KLK11: variants seen among roughly 807,000 people sequenced by gnomAD.
KLK11 encodes kallikrein-11.
KLK11 carries 10 observed loss-of-function variants against 23.4 expected under a neutral mutation model. The observed-to-expected ratio is 0.43, with a 90% CI of 0.26 to 0.73. The LOEUF is 0.73. Among genes scored for constraint, KLK11 ranks in the 30% least tolerant of loss-of-function variants. KLK11 has a pLI of 0.22. For synonymous variants in KLK11, 131 were observed against 131.7 expected (o/e 0.99, Z 0.03); for missense variants, 285 against 327.8 (o/e 0.87, Z 1.01).
In KLK11 at chr19:51,025,957, C is replaced by T. The variant is rs1168050430; in HGVS notation, c.-35-291G>A. 1.4e-5 allele frequency: 4 copies of T among 284,348 alleles called. No homozygotes were observed. Among genetic ancestry groups the T allele is most frequent in the East Asian group, 1.2e-4 (2 of 16,224 alleles). The allele number at this position is 284,348 out of a possible 1,614,324, so 17.6% of individuals were successfully genotyped here. A position where few individuals can be genotyped will look rare whatever the true frequency, so the allele number is the denominator to read the frequency against. On this transcript the variant is annotated intron_variant, in intron 1 of 5. Coordinates refer to ENST00000453757, the MANE Select transcript of KLK11 (RefSeq NM_001136032.3). The surrounding 1 kb of genome is among the most constrained non-coding windows in gnomAD (Gnocchi z 6.2). ...GGCTTTGAGCTGTCAAGCCATGGTTCGGCCCTGTTCAAGTCAGCCATGGGA... is the reference window on the plus strand; with the variant it reads ...GGCTTTGAGCTGTCAAGCCATGGTTTGGCCCTGTTCAAGTCAGCCATGGGA...
chr19:51,026,811 A>C (rs1235726789), upstream of KLK11: 1 of 154,966 alleles, frequency 6.5e-6, no homozygotes, highest in Non-Finnish European at 1.4e-5. Flanking sequence ...CCTGTGTCTC[A>C]GCCTCCCTCT....
Position 51,024,015 on chromosome 19 carries a change from C to A in KLK11, c.463+30G>T. 6.7e-7 allele frequency: 1 copy of A among 1,484,928 alleles called. No homozygotes were observed. Among genetic ancestry groups the A allele is most frequent in the East Asian group, 2.4e-5 (1 of 42,278 alleles). The allele number at this position is 1,484,928 out of a possible 1,614,324, so 92.0% of individuals were successfully genotyped here. On this transcript the variant is annotated intron_variant, in intron 4 of 5. Transcript: ENST00000453757. This position sits in a 1 kb window ranked among gnomAD's most constrained non-coding sequence, Gnocchi z 6.2. ...TCCTGACCACTCCCTCCTCACCACC[C>A]CCTGCCAGGTTCCCCTCTGGTGCTC...
chr19:51,022,832 G>A (rs2691208), intron 5 of KLK11, 135 bp from the exon 6 acceptor site: 171,460 of 1,047,768 alleles, frequency 0.16, 14,760 homozygotes, highest in African/African-American at 0.27. Context: ...TAGGTTTAGC[G>A]ATAAAGCTGG....
At chr19:51,026,416 C>G (rs1286126067) in intron 1 of KLK11, 122 bp downstream of exon 1, 2 of 259,318 alleles carry the variant, frequency 7.7e-6, no homozygotes, top group Admixed American at 1.3e-4. Flanking sequence ...GGCCAGGAAC[C>G]CCCACCCAAG....
At position 51,024,366 on chromosome 19, in the gene KLK11, G is replaced by C; in HGVS notation, c.198-56C>G. 6.3e-7 allele frequency: 1 copy of C among 1,590,364 alleles called. No homozygotes were observed. The highest frequency in any genetic ancestry group is 8.5e-7 in the Non-Finnish European group (1 of 1,169,816). ...GAAAGGTCGGGGGAGACATGGGTGG[G>C]AGAGGTGAGTGACACCTTTGAGGAT... On this transcript the variant is annotated intron_variant, in intron 3 of 5. Coordinates refer to ENST00000453757, the MANE Select transcript of KLK11 (RefSeq NM_001136032.3). This position sits in a 1 kb window ranked among gnomAD's most constrained non-coding sequence, Gnocchi z 6.2.
Position 51,025,662 on chromosome 19 carries a change from T to C in KLK11, c.-31A>G. 1 of 1,564,472 alleles carries C rather than the reference T, an allele frequency of 6.4e-7. No homozygotes were observed. The highest frequency in any genetic ancestry group is 8.7e-7 in the Non-Finnish European group (1 of 1,153,630). ...GGAGGGGGGAGGAGCGGGCCCCAGG[T>C]TCCTCTGGGAACAAGGAGGGACATG... On this transcript the variant is annotated 5_prime_UTR_variant, in exon 2 of 6. Coordinates refer to ENST00000453757, the MANE Select transcript of KLK11 (RefSeq NM_001136032.3). This position sits in a 1 kb window ranked among gnomAD's most constrained non-coding sequence, Gnocchi z 6.2.
At chr19:51,023,332 G>A (rs1437794758) in intron 4 of KLK11, 104 bp from the exon 5 acceptor site, 24 of 1,403,122 alleles carry the variant, frequency 1.7e-5, no homozygotes, top group Admixed American at 1.3e-4. Flanking sequence ...GTCCTTAGAC[G>A]CAGCCAACTC....
At chr19:51,026,080 G>A (rs185262278) in intron 1 of KLK11, among the ~76,000 whole-genome samples, 13 of 152,268 alleles carry the variant, frequency 8.5e-5, no homozygotes, top group East Asian at 3.9e-4. Context: ...ACCAGACACC[G>A]TTCCGTAGCC....
chr19:51,024,903 C>T lies in KLK11; in HGVS notation c.41-109G>A. The T allele has an allele frequency of 4.5e-6, 5 of 1,101,146 alleles. No homozygotes were observed. Among genetic ancestry groups the T allele is most frequent in the East Asian group, 3.0e-5 (1 of 33,422 alleles). The allele number at this position is 1,101,146 out of a possible 1,614,324, so 68.2% of individuals were successfully genotyped here. A position where few individuals can be genotyped will look rare whatever the true frequency, so the allele number is the denominator to read the frequency against. ...AGAGAAAGAGAGTGGGTGGTCTGGGCCCTGGTCTGGTGTCCCTCTGGGTTG... is the reference window on the plus strand; with the variant it reads ...AGAGAAAGAGAGTGGGTGGTCTGGGTCCTGGTCTGGTGTCCCTCTGGGTTG... On this transcript the variant is annotated intron_variant, in intron 2 of 5. Coordinates refer to ENST00000453757, the MANE Select transcript of KLK11 (RefSeq NM_001136032.3). This position sits in a 1 kb window ranked among gnomAD's most constrained non-coding sequence, Gnocchi z 6.2.
rs182794995 is a variant in KLK11, at chr19:51,025,188, A to T, written c.41-394T>A. Among the ~76,000 whole-genome samples, 4 of 152,076 alleles carry T rather than the reference A, an allele frequency of 2.6e-5. No homozygotes were observed. The highest frequency in any genetic ancestry group is 9.6e-5 in the African/African-American group (4 of 41,482). On this transcript the variant is annotated intron_variant, in intron 2 of 5. Coordinates refer to ENST00000453757, the MANE Select transcript of KLK11 (RefSeq NM_001136032.3). The surrounding 1 kb of genome is among the most constrained non-coding windows in gnomAD (Gnocchi z 6.2). Reference sequence around the variant, plus strand: ...AGCTGAGATGGCTTAAGGATCACTTAAGCCCGGGAAGTCAAGACTGCAGTG... The same window carrying T: ...AGCTGAGATGGCTTAAGGATCACTTTAGCCCGGGAAGTCAAGACTGCAGTG...
chr19:51,023,470 C>G, intron 4 of KLK11: 2 of 397,898 alleles, frequency 5.0e-6, no homozygotes. Flanking sequence ...CTGCAACCTC[C>G]GTCTCCCAAG....
At position 51,023,119 on chromosome 19, in the gene KLK11, C is replaced by T; in HGVS notation, c.573G>A (p.Val191=). The change falls in exon 5 of 6, where the codon GTG becomes GTA. Residue 191 remains valine, a synonymous_variant. Transcript: ENST00000453757. ...GGCAGGAGTCCTTGCCCCCTTCCTGCACGCTGGCACACACCATGGTGTCTG... is the reference window on the plus strand; with the variant it reads ...GGCAGGAGTCCTTGCCCCCTTCCTGTACGCTGGCACACACCATGGTGTCTG... ...NITDTMVCAS[V]QEGGKDSCQG... is the part of the protein sequence containing the mutation. 1 of 1,611,590 alleles carries T rather than the reference C, an allele frequency of 6.2e-7. No homozygotes were observed. Among genetic ancestry groups the T allele is most frequent in the Non-Finnish European group, 8.5e-7 (1 of 1,178,966 alleles).
At position 51,024,879 on chromosome 19, in the gene KLK11, GAGAA is replaced by G. The variant is rs2091459800; in HGVS notation, c.41-89_41-86del. On this transcript the variant is annotated intron_variant, in intron 2 of 5. Coordinates refer to ENST00000453757, the MANE Select transcript of KLK11 (RefSeq NM_001136032.3). The surrounding 1 kb of genome is among the most constrained non-coding windows in gnomAD (Gnocchi z 6.2). ...CTCCCAGAAATGGGGGTGGGGAGGA[GAGAA>G]AGAGAGTGGGTGGTCTGGGCCCTGG... The G allele has an allele frequency of 7.6e-7, 1 of 1,317,940 alleles. No homozygotes were observed. The highest frequency in any genetic ancestry group is 3.2e-5 in the Admixed American group (1 of 30,960). 81.6% of individuals were successfully genotyped at this position (1,317,940 alleles called of 1,614,324 possible).
At position 51,025,531 on chromosome 19, in the gene KLK11, G is replaced by A. The variant is rs375958629; in HGVS notation, c.40+61C>T. On this transcript the variant is annotated intron_variant, in intron 2 of 5. Coordinates refer to ENST00000453757, the MANE Select transcript of KLK11 (RefSeq NM_001136032.3). This position sits in a 1 kb window ranked among gnomAD's most constrained non-coding sequence, Gnocchi z 6.2. ...GCCCTGTCACTGTCCAGACACAGAG[G>A]GTTAGGGGATCCCAGAGATTCAAGA... The A allele has an allele frequency of 7.1e-5, 84 of 1,180,654 alleles. 1 individual carries two copies. The highest frequency in any genetic ancestry group is 3.4e-4 in the African/African-American group (22 of 64,808). 73.1% of individuals were successfully genotyped at this position (1,180,654 alleles called of 1,614,324 possible). A position where few individuals can be genotyped will look rare whatever the true frequency, so the allele number is the denominator to read the frequency against.
In KLK11 at chr19:51,023,843, A is replaced by ATGTATGAT. The variant is rs2091437061; in HGVS notation, c.463+194_463+201dup. On this transcript the variant is annotated intron_variant, in intron 4 of 5. Coordinates refer to ENST00000453757, the MANE Select transcript of KLK11 (RefSeq NM_001136032.3). ...AGGTCTTACAACCAGGAGGTTATGG[A>ATGTATGAT]TGTATGATTGCATATCCCGTCCGTC... is the stretch of plus-strand genomic sequence containing the variant. 2.0e-5 allele frequency: 10 copies of ATGTATGAT among 491,124 alleles called. No homozygotes were observed. In the South Asian group the frequency reaches 4.6e-4, roughly 22 times the overall value. 30.4% of individuals were successfully genotyped at this position (491,124 alleles called of 1,614,324 possible).
At chr19:51,022,816 A>G (rs1194227749) in intron 5 of KLK11, 119 bp from the exon 6 acceptor site, 18 of 1,155,484 alleles carry the variant, frequency 1.6e-5, no homozygotes, top group Non-Finnish European at 2.0e-5. Flanking sequence ...GCACTGGGAA[A>G]GGTGATAGGT....
rs1359302589 is a variant in KLK11 at position 51,025,196 on chromosome 19, G to T, written c.40+396C>A. On this transcript the variant is annotated intron_variant, in intron 2 of 5. Coordinates refer to ENST00000453757, the MANE Select transcript of KLK11 (RefSeq NM_001136032.3). The surrounding 1 kb of genome is among the most constrained non-coding windows in gnomAD (Gnocchi z 6.2). ...TGGCTTAAGGATCACTTAAGCCCGG[G>T]AAGTCAAGACTGCAGTGAGCCGTGT... is the stretch of plus-strand genomic sequence containing the variant. Among the ~76,000 whole-genome samples, 9 of 151,912 alleles carry T rather than the reference G, an allele frequency of 5.9e-5. No individual in the cohort carries two copies. Among genetic ancestry groups the T allele is most frequent in the Admixed American group, 5.9e-4 (9 of 15,248 alleles).
At chr19:51,023,942 A>G in intron 4 of KLK11, 103 bp downstream of exon 4, 1 of 1,027,268 alleles carries the variant, frequency 9.7e-7, no homozygotes, top group Non-Finnish European at 1.3e-6. Flanking sequence ...AACTTATCCC[A>G]CATCGTCACT....
chr19:51,026,337 G>A (rs1170334045), intron 1 of KLK11, among the ~76,000 whole-genome samples: 1 of 152,044 alleles, frequency 6.6e-6, no homozygotes, highest in East Asian at 1.9e-4. Context: ...CAGCTCAGCA[G>A]CTGAAGCCAT....
Sources: gnomAD v4.1 joint callset for allele counts (sites outside exome capture counted in the v4.1 genomes callset) on GRCh38, gnomAD v4.1.1 for gene constraint, Gnocchi (gnomAD v3.1) non-coding constraint, MANE v1.5 for transcripts, NCBI Gene and HGNC (gene_info 2026-07-23, HGNC 2026-07-21) for gene names.